ARMC2: variants seen among roughly 807,000 people sequenced by gnomAD.
ARMC2 encodes armadillo repeat-containing protein 2.
A neutral mutation model predicts 90.3 loss-of-function variants in ARMC2; 67 were observed. The observed-to-expected ratio is 0.74, with a 90% CI of 0.61 to 0.91. ARMC2 has a LOEUF of 0.91. Ranked by LOEUF, ARMC2 falls within the 40% of genes least tolerant of loss-of-function variation. The probability of loss-of-function intolerance (pLI) is 0.00; values close to 1 mark genes in which losing one functional copy is unlikely to be tolerated. For missense variants in ARMC2, 920 were observed against 1,030.9 expected (o/e 0.89, Z 1.47); for synonymous variants, 393 against 393.0 (o/e 1.00, Z 0.00).
Position 108,955,371 on chromosome 6 carries a change from G to A in ARMC2, c.1915+2020G>A, listed in dbSNP as rs550124247. 7.8e-4 allele frequency among the ~76,000 whole-genome samples: 119 copies of A among 152,304 alleles called. 2 individuals carry two copies. Among genetic ancestry groups the A allele is most frequent in the African/African-American group, 2.8e-3 (115 of 41,550 alleles). ...CTGCGGGCATGTGAGTGACAAGGCC[G>A]TGCTTCATTATGGAGCTTTACGGTT... On this transcript the variant is annotated intron_variant, in intron 13 of 17. Transcript: ENST00000392644.
At chr6:108,962,283 G>T (rs1056623947) in intron 15 of ARMC2, among the ~76,000 whole-genome samples, 156 bp downstream of exon 15, 7 of 152,146 alleles carry the variant, frequency 4.6e-5, no homozygotes, top group African/African-American at 1.4e-4. Context: ...TGCCAAGATG[G>T]ACCTAGGCAG....
the ARMC2 span, among the ~76,000 whole-genome samples, chr6:109,006,449 A>G: frequency 4.2e-5 from 2 of 47,636 alleles, no homozygotes; most frequent in South Asian, 9.0e-4. Context: ...CCCTCCCCCC[A>G]CCCCCTACCC....
intron 4 of ARMC2, among the ~76,000 whole-genome samples, chr6:108,874,316 G>A (rs1208564373): frequency 1.3e-5 from 2 of 152,334 alleles, no homozygotes; most frequent in East Asian, 3.9e-4. Context: ...TGATGGCTGG[G>A]ACTTGTTCAC....
intron 10 of ARMC2, among the ~76,000 whole-genome samples, chr6:108,916,547 G>C (rs555994366): frequency 6.6e-6 from 1 of 152,320 alleles, no homozygotes; most frequent in African/African-American, 2.4e-5. Context: ...AGGTTAAACT[G>C]TGCATGTTCA....
At chr6:108,964,393 T>C in intron 16 of ARMC2, 81 bp downstream of exon 16, 1 of 1,480,524 alleles carries the variant, frequency 6.8e-7, no homozygotes, top group Non-Finnish European at 9.2e-7. Flanking sequence ...CCTTTCATCA[T>C]TCCTGTGGGG....
At chr6:108,917,717 G>A (rs764893626) in intron 10 of ARMC2, among the ~76,000 whole-genome samples, 105 of 151,874 alleles carry the variant, frequency 6.9e-4, no homozygotes, top group Non-Finnish European at 1.3e-3. Flanking sequence ...GCGCAATCTC[G>A]GCCCACTGCA....
In ARMC2 at chr6:108,912,323, T is replaced by C. The variant is rs1283423327; in HGVS notation, c.1127-12T>C. On this transcript the variant is annotated splice_polypyrimidine_tract_variant and intron_variant, in intron 9 of 17. Coordinates refer to ENST00000392644, the MANE Select transcript of ARMC2 (RefSeq NM_032131.6). The stretch of plus-strand genomic sequence containing the variant: ...ATACTCAGACATTTATAATAATTAA[T>C]CTTTTTGACAGAATCATTATTGGAG... 1 of 1,564,130 alleles carries C rather than the reference T, an allele frequency of 6.4e-7. No individual in the cohort carries two copies. The highest frequency in any genetic ancestry group is 8.7e-7 in the Non-Finnish European group (1 of 1,149,028).
At chr6:109,041,412 A>T in the ARMC2 span, among the ~76,000 whole-genome samples, 1 of 152,234 alleles carries the variant, frequency 6.6e-6, no homozygotes, top group African/African-American at 2.4e-5. Context: ...TCTACCAAAC[A>T]TACTTGTACA....
intron 17 of ARMC2, among the ~76,000 whole-genome samples, chr6:108,966,006 T>A (rs6941125): frequency 0.19 from 28,761 of 148,844 alleles, 3,455 homozygotes; most frequent in African/African-American, 0.34. Context: ...AATTTTTTTC[T>A]TCCTGGGTTA....
chr6:108,970,948 C>T (rs1050370078), intron 17 of ARMC2, among the ~76,000 whole-genome samples: 9 of 152,044 alleles, frequency 5.9e-5, no homozygotes, highest in African/African-American at 1.7e-4. Flanking sequence ...ACTGGCTGGG[C>T]GCTGTGGCTC....
chr6:108,938,066 T>G (rs1776108907), intron 12 of ARMC2, among the ~76,000 whole-genome samples: 1 of 152,210 alleles, frequency 6.6e-6, no homozygotes, highest in African/African-American at 2.4e-5. Context: ...TTATTCACTT[T>G]CATAAGTTAT....
chr6:109,034,782 A>T, the ARMC2 span, among the ~76,000 whole-genome samples: 1 of 152,208 alleles, frequency 6.6e-6, no homozygotes, highest in Non-Finnish European at 1.5e-5. Context: ...CCAGAGCTGG[A>T]GCTGTCTTAG....
In ARMC2 at chr6:108,964,997, G is replaced by A. The variant is rs989233971; in HGVS notation, c.2303G>A (p.Arg768Lys). Residue 768 changes from arginine to lysine, a missense_variant, in exon 17 of 18, where the codon AGA becomes AAA. By Grantham distance (26) the Arg-to-Lys change is conservative. Transcript: ENST00000392644. ...GGIKKLVDCLRDLGPTDWQLA... is the reference protein window; with the variant it reads ...GGIKKLVDCLKDLGPTDWQLA... Reference sequence around the variant, plus strand: ...TAACTCAGGTTAGTGGACTGTTTAAGAGATTTGGGTCCTACTGATTGGCAG... The same window carrying A: ...TAACTCAGGTTAGTGGACTGTTTAAAAGATTTGGGTCCTACTGATTGGCAG... 1 of 1,610,794 alleles carries A rather than the reference G, an allele frequency of 6.2e-7. No homozygotes were observed. The highest frequency in any genetic ancestry group is 1.3e-5 in the African/African-American group (1 of 74,894).
intron 5 of ARMC2, chr6:108,880,330 A>G (rs1279545758): frequency 2.8e-5 from 5 of 176,176 alleles, no homozygotes; most frequent in Non-Finnish European, 6.1e-5. Flanking sequence ...CTGGCTAATC[A>G]GAGTTTGCCA....
At chr6:109,030,737 A>G in the ARMC2 span, among the ~76,000 whole-genome samples, 1 of 152,236 alleles carries the variant, frequency 6.6e-6, no homozygotes, top group African/African-American at 2.4e-5. Context: ...TGTAAAATGT[A>G]TATAGGATTT....
chr6:108,942,431 T>C (rs1776519099), intron 12 of ARMC2, among the ~76,000 whole-genome samples: 1 of 152,160 alleles, frequency 6.6e-6, no homozygotes, highest in South Asian at 2.1e-4. Flanking sequence ...AGGTGGCCGA[T>C]CAAATATGAT....
the ARMC2 span, among the ~76,000 whole-genome samples, chr6:108,982,279 G>T: frequency 6.6e-6 from 1 of 152,172 alleles, no homozygotes; most frequent in African/African-American, 2.4e-5. Flanking sequence ...GGCCAGTTCA[G>T]TTTGTGGTCA....
chr6:109,024,164 G>C, the ARMC2 span, among the ~76,000 whole-genome samples: 1 of 152,046 alleles, frequency 6.6e-6, no homozygotes, highest in Non-Finnish European at 1.5e-5. Context: ...ACATACCATA[G>C]CATATGTACT....
chr6:108,989,250 G>A, the ARMC2 span, among the ~76,000 whole-genome samples: 1 of 152,118 alleles, frequency 6.6e-6, no homozygotes, highest in Non-Finnish European at 1.5e-5. Flanking sequence ...TGATCTGCCC[G>A]CCTTGGCTTC....
Sources: allele counts gnomAD v4.1 joint callset (sites outside exome capture counted in the v4.1 genomes callset), GRCh38; gene constraint gnomAD v4.1.1; transcripts MANE v1.5; gene names NCBI Gene and HGNC (gene_info 2026-07-23, HGNC 2026-07-21).